ST3GAL1: variants seen among roughly 807,000 people sequenced by gnomAD.
ST3GAL1 encodes ST3 beta-galactoside alpha-2,3-sialyltransferase 1.
A neutral mutation model predicts 34.1 loss-of-function variants in ST3GAL1; 16 were observed. That is an observed-to-expected ratio of 0.47 (90% confidence interval 0.32 to 0.71). The LOEUF (loss-of-function observed/expected upper bound fraction) is 0.71. ST3GAL1 is among the 30% of genes least tolerant of loss of function. ST3GAL1 has a pLI of 0.04. For missense variants in ST3GAL1, 353 were observed against 447.4 expected (o/e 0.79, Z 1.90); for synonymous variants, 191 against 184.7 (o/e 1.03, Z -0.28).
intron 2 of ST3GAL1, among the ~76,000 whole-genome samples, chr8:133,499,626 T>C (rs140017780): frequency 4.9e-4 from 75 of 152,274 alleles, no homozygotes; most frequent in African/African-American, 1.7e-3. Flanking sequence ...AGTGAGAGGA[T>C]GGCACATCCT....
Position 133,467,137 on chromosome 8 carries a change from G to A in ST3GAL1, c.307-1047C>T, listed in dbSNP as rs1028576798. Among the ~76,000 whole-genome samples, 2 of 151,434 alleles carry A rather than the reference G, an allele frequency of 1.3e-5. No homozygotes were observed. Among genetic ancestry groups the A allele is most frequent in the African/African-American group, 2.4e-5 (1 of 41,200 alleles). ...GACCTAGCTCGAGGGTCAGCTGCTCGCAGATTGAATGCCAGTCTTATTCCA... is the reference window on the plus strand; with the variant it reads ...GACCTAGCTCGAGGGTCAGCTGCTCACAGATTGAATGCCAGTCTTATTCCA... On this transcript the variant is annotated intron_variant, in intron 5 of 9. Transcript: ENST00000522652. The surrounding 1 kb of genome is among the most constrained non-coding windows in gnomAD (Gnocchi z 4.2).
chr8:133,500,653 C>T (rs910893088), intron 2 of ST3GAL1, among the ~76,000 whole-genome samples: 1 of 152,118 alleles, frequency 6.6e-6, no homozygotes, highest in African/African-American at 2.4e-5. Context: ...GCCTCAGTTT[C>T]CTCATCTGTA....
chr8:133,500,443 A>G (rs1311825710), intron 2 of ST3GAL1, among the ~76,000 whole-genome samples: 1 of 152,192 alleles, frequency 6.6e-6, no homozygotes, highest in Non-Finnish European at 1.5e-5. Flanking sequence ...AGAACAAGCA[A>G]CACCTGCTCT....
chr8:133,462,052 C>T (rs1255463948), intron 8 of ST3GAL1, 58 bp from the exon 9 acceptor site: 13 of 1,608,866 alleles, frequency 8.1e-6, no homozygotes, highest in African/African-American at 4.0e-5. Context: ...GGACATGGAG[C>T]GCCTGTCAGA....
intron 2 of ST3GAL1, among the ~76,000 whole-genome samples, chr8:133,507,313 T>C (rs1277128942): frequency 3.3e-5 from 5 of 152,226 alleles, no homozygotes; most frequent in African/African-American, 4.8e-5. Context: ...CAGTGCCTTC[T>C]GGGTCTGCCT....
chr8:133,457,226 G>C lies in ST3GAL1; in HGVS notation c.*2538C>G, dbSNP rs1046723072. On this transcript the variant is annotated 3_prime_UTR_variant, in exon 10 of 10. Coordinates refer to ENST00000522652, the MANE Select transcript of ST3GAL1 (RefSeq NM_173344.3). ...CTTGACCACCCTAGTAGGAGGGAGGGAGACCAGACGGAGGCCAGGCAACCG... is the reference window on the plus strand; with the variant it reads ...CTTGACCACCCTAGTAGGAGGGAGGCAGACCAGACGGAGGCCAGGCAACCG... 6.6e-6 allele frequency: 1 copy of C among 152,188 alleles called. No individual in the cohort carries two copies. Among genetic ancestry groups the C allele is most frequent in the African/African-American group, 2.4e-5 (1 of 41,434 alleles). 9.4% of individuals were successfully genotyped at this position (152,188 alleles called of 1,614,324 possible).
rs1340354849 is a variant in ST3GAL1, at chr8:133,466,171, GT to G, written c.307-82del. The stretch of plus-strand genomic sequence containing the variant: ...CAGCAGAGCCCCTGAGCTACCTGCT[GT>G]CGTTTACTGGGGCCCTCCTGTTCAC... On this transcript the variant is annotated intron_variant, in intron 5 of 9. Coordinates refer to ENST00000522652, the MANE Select transcript of ST3GAL1 (RefSeq NM_173344.3). This position sits in a 1 kb window ranked among gnomAD's most constrained non-coding sequence, Gnocchi z 4.4. 1.4e-6 allele frequency: 2 copies of G among 1,433,070 alleles called. No individual in the cohort carries two copies. The highest frequency in any genetic ancestry group is 2.8e-5 in the African/African-American group (2 of 70,430). 88.8% of individuals were successfully genotyped at this position (1,433,070 alleles called of 1,614,324 possible).
chr8:133,538,446 C>CGGAG (rs768262599), intron 2 of ST3GAL1, among the ~76,000 whole-genome samples: 41 of 152,250 alleles, frequency 2.7e-4, no homozygotes, highest in Non-Finnish European at 5.6e-4. Flanking sequence ...ACCCAGAAGG[C>CGGAG]GGAGGTTGCA....
chr8:133,528,287 G>A (rs775119332), intron 2 of ST3GAL1, among the ~76,000 whole-genome samples: 8 of 152,150 alleles, frequency 5.3e-5, no homozygotes, highest in Admixed American at 2.0e-4. Flanking sequence ...TTTTGTGCCT[G>A]CAGGGAAGGA....
chr8:133,488,069 C>T (rs898123433), intron 3 of ST3GAL1: 2 of 151,898 alleles, frequency 1.3e-5, no homozygotes, highest in Admixed American at 6.6e-5. Context: ...AGGAATCACA[C>T]AAAAGACCAG....
At chr8:133,464,533 G>A (rs953487969) in intron 7 of ST3GAL1, among the ~76,000 whole-genome samples, 3 of 152,340 alleles carry the variant, frequency 2.0e-5, no homozygotes, top group Non-Finnish European at 4.4e-5. Context: ...TCTCCAGGGC[G>A]CGTGGAGGTC....
chr8:133,559,518 A>C (rs1468910714), intron 1 of ST3GAL1, among the ~76,000 whole-genome samples: 3 of 152,204 alleles, frequency 2.0e-5, no homozygotes, highest in Non-Finnish European at 4.4e-5. Context: ...TTAAAACATA[A>C]GATTATGTTT....
At chr8:133,493,075 A>G (rs1000563966) in intron 3 of ST3GAL1, among the ~76,000 whole-genome samples, 1 of 152,204 alleles carries the variant, frequency 6.6e-6, no homozygotes. Flanking sequence ...CCAGGTAGGC[A>G]TCCAACACTG....
chr8:133,528,721 CAAAACCT>C lies in ST3GAL1; in HGVS notation c.-429+17046_-429+17052del, dbSNP rs1818049207. ...GTCATGAGAGATATGATTTGGCCCA[CAAAACCT>C]AAAATAGTTACTGCCTGGCCCTTTA... is the stretch of plus-strand genomic sequence containing the variant. On this transcript the variant is annotated intron_variant, in intron 2 of 9. Coordinates refer to ENST00000522652, the MANE Select transcript of ST3GAL1 (RefSeq NM_173344.3). 2.0e-5 allele frequency among the ~76,000 whole-genome samples: 3 copies of C among 152,344 alleles called. No individual in the cohort carries two copies. In the South Asian group the frequency reaches 6.2e-4, roughly 32 times the overall value.
intron 3 of ST3GAL1, among the ~76,000 whole-genome samples, chr8:133,492,915 C>T (rs13257489): frequency 0.27 from 41,352 of 152,118 alleles, 6,161 homozygotes; most frequent in Non-Finnish European, 0.34. Context: ...AAAGTGATCA[C>T]GAGTGCTCCT....
intron 3 of ST3GAL1, among the ~76,000 whole-genome samples, chr8:133,477,963 A>G (rs1393640003): frequency 6.6e-6 from 1 of 152,218 alleles, no homozygotes; most frequent in Admixed American, 6.5e-5. Context: ...TTCTGAAGAC[A>G]TCCAGGGCCC....
At chr8:133,491,478 C>T (rs573891931) in intron 3 of ST3GAL1, among the ~76,000 whole-genome samples, 30 of 152,298 alleles carry the variant, frequency 2.0e-4, no homozygotes, top group African/African-American at 6.3e-4. Context: ...GTTCTAAAAC[C>T]CTCAGCATAA....
chr8:133,490,688 C>G (rs887456951), intron 3 of ST3GAL1, among the ~76,000 whole-genome samples: 7 of 152,192 alleles, frequency 4.6e-5, no homozygotes, highest in African/African-American at 1.7e-4. Context: ...AAACAGGGCG[C>G]CCTTCAGAGG....
intron 2 of ST3GAL1, among the ~76,000 whole-genome samples, chr8:133,504,370 T>C (rs1209032736): frequency 6.6e-6 from 1 of 152,208 alleles, no homozygotes; most frequent in Admixed American, 6.5e-5. Flanking sequence ...TTCTCTGCTC[T>C]TGTGGGTGGA....
Sources: gnomAD v4.1 joint callset for allele counts (sites outside exome capture counted in the v4.1 genomes callset) on GRCh38, gnomAD v4.1.1 for gene constraint, Gnocchi (gnomAD v3.1) non-coding constraint, MANE v1.5 for transcripts, NCBI Gene and HGNC (gene_info 2026-07-23, HGNC 2026-07-21) for gene names.